Variants in NAALADL2 observed in about 807,000 individuals in gnomAD.
The protein encoded by NAALADL2 is N-acetylated alpha-linked acidic dipeptidase like 2.
Under a neutral mutation model 87.2 loss-of-function variants are expected in NAALADL2, and 76 were observed. The observed-to-expected ratio is 0.87, with a 90% CI of 0.72 to 1.05. The LOEUF (loss-of-function observed/expected upper bound fraction) is 1.05, where lower values mean the gene tolerates loss of function less well. NAALADL2 is among the 50% of genes least tolerant of loss of function. The pLI, the probability that NAALADL2 is intolerant of heterozygous loss-of-function variation, is 0.00. For missense variants in NAALADL2, 1,089 were observed against 945.8 expected (o/e 1.15, Z -1.99); for synonymous variants, 354 against 331.0 (o/e 1.07, Z -0.75).
chr3:175,556,814 AT>A (rs1715353359), intron 9 of NAALADL2, among the ~76,000 whole-genome samples: 1 of 152,138 alleles, frequency 6.6e-6, no homozygotes, highest in Non-Finnish European at 1.5e-5. Flanking sequence ...TCCCTTATTT[AT>A]TGGTGTTAAC....
intron 2 of NAALADL2, among the ~76,000 whole-genome samples, chr3:174,560,407 G>A (rs941328348): frequency 6.6e-6 from 1 of 152,138 alleles, no homozygotes; most frequent in Admixed American, 6.6e-5. Context: ...TGTCTGCACA[G>A]CTAATGCAAA....
intron 6 of NAALADL2, among the ~76,000 whole-genome samples, chr3:175,451,079 T>C (rs1487507125): frequency 6.6e-6 from 1 of 152,138 alleles, no homozygotes; most frequent in African/African-American, 2.4e-5. Flanking sequence ...CCCTTATTTA[T>C]ATGATTAGAG....
rs992775166 is a variant in NAALADL2 at position 175,509,116 on chromosome 3, C to CA, written c.1653+37370dup. Among the ~76,000 whole-genome samples, 332 of 111,490 alleles carry CA rather than the reference C, an allele frequency of 3.0e-3. 1 individual carries two copies. The highest frequency in any genetic ancestry group is 7.7e-3 in the African/African-American group (227 of 29,604). The allele number at this position is 111,490 out of a possible 152,430, so 73.1% of individuals were successfully genotyped here. A position where few individuals can be genotyped will look rare whatever the true frequency, so the allele number is the denominator to read the frequency against. On this transcript the variant is annotated intron_variant, in intron 9 of 13. Transcript: ENST00000454872. Reference sequence around the variant, plus strand: ...GGGTGACAAGAGCAAAACTCCGTGTCAAAAAAAAAAAAGAAAAAAAAAGAA... The same window carrying CA: ...GGGTGACAAGAGCAAAACTCCGTGTCAAAAAAAAAAAAAGAAAAAAAAAGAA...
At chr3:175,107,172 G>A (rs961489788) in intron 2 of NAALADL2, among the ~76,000 whole-genome samples, 1 of 151,960 alleles carries the variant, frequency 6.6e-6, no homozygotes, top group Non-Finnish European at 1.5e-5. Flanking sequence ...GGTATCAAAT[G>A]TTTGGTCAAA....
intron 2 of NAALADL2, among the ~76,000 whole-genome samples, chr3:174,692,316 G>A (rs1728651466): frequency 1.3e-5 from 2 of 152,134 alleles, no homozygotes; most frequent in Non-Finnish European, 2.9e-5. Context: ...AACTATTTGG[G>A]TTTCCATGTA....
chr3:175,639,512 G>A (rs1472612424), intron 11 of NAALADL2, among the ~76,000 whole-genome samples: 1 of 151,708 alleles, frequency 6.6e-6, no homozygotes, highest in Non-Finnish European at 1.5e-5. Flanking sequence ...AGTAGATACG[G>A]GGTTTCACAG....
At chr3:175,786,061 G>GA (rs576806501) in intron 13 of NAALADL2, among the ~76,000 whole-genome samples, 1,726 of 152,228 alleles carry the variant, frequency 0.011, 28 homozygotes, top group African/African-American at 0.039. Context: ...GGTTTCTGCC[G>GA]AGAGATCCGC....
At chr3:175,777,621 T>C (rs1750427525) in intron 13 of NAALADL2, among the ~76,000 whole-genome samples, 1 of 152,142 alleles carries the variant, frequency 6.6e-6, no homozygotes, top group Non-Finnish European at 1.5e-5. Context: ...CTGTCAGAGT[T>C]ACAAGGGTAT....
intron 1 of NAALADL2, among the ~76,000 whole-genome samples, chr3:175,013,612 A>T (rs375759275): frequency 6.6e-6 from 1 of 151,876 alleles, no homozygotes; most frequent in Non-Finnish European, 1.5e-5. Context: ...AATTTGTTTG[A>T]TTAATGAATT....
intron 13 of NAALADL2, among the ~76,000 whole-genome samples, chr3:175,784,741 G>A (rs1751675130): frequency 2.2e-5 from 2 of 89,332 alleles, no homozygotes; most frequent in East Asian, 5.1e-4. Flanking sequence ...CTTGCCTTCT[G>A]CTAGCTTTTG....
chr3:174,866,703 G>T (rs914717093), intron 1 of NAALADL2, among the ~76,000 whole-genome samples: 1 of 151,730 alleles, frequency 6.6e-6, no homozygotes, highest in Non-Finnish European at 1.5e-5. Context: ...ATAAGGAAGA[G>T]CATATGGGCA....
intron 1 of NAALADL2, among the ~76,000 whole-genome samples, chr3:174,529,702 T>A (rs146522599): frequency 6.6e-6 from 1 of 152,326 alleles, no homozygotes; most frequent in African/African-American, 2.4e-5. Flanking sequence ...CTCTGTGCAC[T>A]GGCAGGCTGA....
intron 2 of NAALADL2, among the ~76,000 whole-genome samples, chr3:174,731,120 G>A (rs1003230886): frequency 4.6e-5 from 7 of 152,066 alleles, no homozygotes; most frequent in Middle Eastern, 3.4e-3. Flanking sequence ...ACACTATCAT[G>A]GAAAGGCAAC....
chr3:175,704,527 T>G (rs1315581906), intron 11 of NAALADL2, among the ~76,000 whole-genome samples: 1 of 152,186 alleles, frequency 6.6e-6, no homozygotes, highest in Admixed American at 6.5e-5. Context: ...AGTAAAGTTT[T>G]GTTTTGTTTC....
intron 2 of NAALADL2, among the ~76,000 whole-genome samples, chr3:174,727,623 A>C (rs1207792573): frequency 6.6e-6 from 1 of 152,110 alleles, no homozygotes; most frequent in Non-Finnish European, 1.5e-5. Context: ...CAGAGTTCTC[A>C]TGTATCCCTC....
rs181233656 is a variant in NAALADL2 at position 174,668,584 on chromosome 3, G to T, written c.-114-69057G>T. 2.9e-3 allele frequency among the ~76,000 whole-genome samples: 437 copies of T among 151,454 alleles called. 1 individual carries two copies. Among genetic ancestry groups the T allele is most frequent in the Non-Finnish European group, 4.8e-3 (324 of 67,904 alleles). ...TATCCCTCCCCTCTCCCCCCACCCC[G>T]CAACGGGCCCCGGTGTGTGATGTTT... On this transcript the variant is annotated intron_variant, in intron 2 of 3. Transcript: ENST00000434257.
intron 5 of NAALADL2, among the ~76,000 whole-genome samples, chr3:175,338,786 G>A (rs1267845493): frequency 6.6e-6 from 1 of 152,026 alleles, no homozygotes; most frequent in African/African-American, 2.4e-5. Context: ...CTGAAATAAA[G>A]TTAGGATTGG....
intron 11 of NAALADL2, among the ~76,000 whole-genome samples, chr3:175,654,900 G>A (rs573690069): frequency 2.6e-4 from 40 of 151,664 alleles, no homozygotes; most frequent in Non-Finnish European, 5.0e-4. Flanking sequence ...ATTGCATTAC[G>A]TAGAATGAAA....
chr3:175,276,288 G>T (rs1272852588), intron 4 of NAALADL2, among the ~76,000 whole-genome samples: 1 of 149,062 alleles, frequency 6.7e-6, no homozygotes, highest in Non-Finnish European at 1.5e-5. Flanking sequence ...GGTTTTTGTC[G>T]CTTTGCAAAT....
Sources: gnomAD v4.1 joint callset for allele counts (sites outside exome capture counted in the v4.1 genomes callset) on GRCh38, gnomAD v4.1.1 for gene constraint, MANE v1.5 for transcripts, NCBI Gene and HGNC (gene_info 2026-07-23, HGNC 2026-07-21) for gene names.